Variants in PDE4B observed in about 807,000 individuals in gnomAD.
PDE4B encodes the protein phosphodiesterase 4B.
A neutral mutation model predicts 82.2 loss-of-function variants in PDE4B; 20 were observed. The observed-to-expected ratio is 0.24, with a 90% CI of 0.17 to 0.35. PDE4B has a LOEUF of 0.35. Ranked by LOEUF, PDE4B falls within the 10% of genes least tolerant of loss-of-function variation. The pLI is 1.00. For missense variants in PDE4B, 655 were observed against 907.2 expected (o/e 0.72, Z 3.57); for synonymous variants, 320 against 318.9 (o/e 1.00, Z -0.04).
In PDE4B at chr1:66,159,703, C is replaced by A. The variant is rs533753846; in HGVS notation, c.282-87757C>A. On this transcript the variant is annotated intron_variant, in intron 3 of 16. Coordinates refer to ENST00000341517, the MANE Select transcript of PDE4B (RefSeq NM_002600.4). ...AAATCCTCGCATACTGGGGTAGTGT[C>A]TTTTATTCCTGTAGAAATAACGTAA... Among the ~76,000 whole-genome samples the A allele has an allele frequency of 3.5e-4, 53 of 152,200 alleles. 1 individual carries two copies. Among genetic ancestry groups the A allele is most frequent in the African/African-American group, 1.1e-3 (46 of 41,528 alleles).
At chr1:65,950,259 A>G (rs1648924319) in intron 3 of PDE4B, among the ~76,000 whole-genome samples, 1 of 152,038 alleles carries the variant, frequency 6.6e-6, no homozygotes. Flanking sequence ...TTCCACCTGT[A>G]TCCCATCACA....
intron 3 of PDE4B, among the ~76,000 whole-genome samples, chr1:66,130,345 T>A (rs369086267): frequency 1.5e-4 from 23 of 152,364 alleles, no homozygotes; most frequent in Middle Eastern, 3.4e-3. Flanking sequence ...TCATTTATTC[T>A]TTCATTCATT....
Position 66,372,588 on chromosome 1 carries a change from G to C in PDE4B, c.2121G>C (p.Thr707=). 6.2e-7 allele frequency: 1 copy of C among 1,614,066 alleles called. No homozygotes were observed. The highest frequency in any genetic ancestry group is 1.1e-5 in the South Asian group (1 of 91,086). ...EGHSYFSSTK[T]LCVIDPENRD... ...ACAGCTATTTCAGCAGCACAAAGAC[G>C]CTTTGTGTGATTGATCCAGAAAACA... The change falls in exon 17 of 17, where the codon ACG becomes ACC. Residue 707 remains threonine, a synonymous_variant. Coordinates refer to ENST00000341517, the MANE Select transcript of PDE4B (RefSeq NM_002600.4).
intron 4 of PDE4B, among the ~76,000 whole-genome samples, chr1:66,253,763 T>C: frequency 6.6e-6 from 1 of 152,254 alleles, no homozygotes; most frequent in East Asian, 1.9e-4. Flanking sequence ...TCTGTTACTT[T>C]CTATAAATTA....
chr1:66,192,165 G>A (rs1279676327), intron 3 of PDE4B, among the ~76,000 whole-genome samples: 1 of 152,064 alleles, frequency 6.6e-6, no homozygotes, highest in South Asian at 2.1e-4. Context: ...CTAGGGCCTT[G>A]TGTCCAAAAC....
intron 3 of PDE4B, among the ~76,000 whole-genome samples, chr1:66,155,548 T>C (rs1646485792): frequency 1.3e-5 from 2 of 152,076 alleles, no homozygotes; most frequent in Admixed American, 1.3e-4. Context: ...AATCTAGAGC[T>C]GATTTTATAT....
At chr1:65,962,556 C>T (rs567743830) in intron 3 of PDE4B, among the ~76,000 whole-genome samples, 1 of 152,180 alleles carries the variant, frequency 6.6e-6, no homozygotes, top group South Asian at 2.1e-4. Flanking sequence ...CCATGAAGGG[C>T]CCTGGGATAG....
intron 3 of PDE4B, among the ~76,000 whole-genome samples, chr1:66,080,966 A>G (rs1023065581): frequency 4.6e-5 from 7 of 152,060 alleles, no homozygotes; most frequent in African/African-American, 1.7e-4. Context: ...ATGTGTATCC[A>G]ATATTTAGCT....
intron 3 of PDE4B, among the ~76,000 whole-genome samples, chr1:66,128,538 A>G (rs1645869054): frequency 6.6e-6 from 1 of 152,170 alleles, no homozygotes. Flanking sequence ...TCTAATGATG[A>G]TATTTGTCAC....
chr1:66,057,921 G>A (rs1302017462), intron 3 of PDE4B, among the ~76,000 whole-genome samples: 2 of 151,980 alleles, frequency 1.3e-5, no homozygotes, highest in Non-Finnish European at 2.9e-5. Context: ...CCTTCCCAAC[G>A]GTCCCCCAAA....
rs1653428806 is a variant in PDE4B at position 66,247,665 on chromosome 1, GCT to G, written c.476+14_476+15del. ...TCTTCCAAGCGAGCAGTAAGTACAAGCTCTGTCTGGCTTCCAGTTTCACATTT... is the reference window on the plus strand; with the variant it reads ...TCTTCCAAGCGAGCAGTAAGTACAAGCTGTCTGGCTTCCAGTTTCACATTT... On this transcript the variant is annotated intron_variant, in intron 4 of 16. Coordinates refer to ENST00000341517, the MANE Select transcript of PDE4B (RefSeq NM_002600.4). 6.5e-7 allele frequency: 1 copy of G among 1,537,662 alleles called. No homozygotes were observed. Among genetic ancestry groups the G allele is most frequent in the East Asian group, 2.3e-5 (1 of 43,220 alleles).
In PDE4B at chr1:65,960,163, C is replaced by T. The variant is rs138285621; in HGVS notation, c.281+41328C>T. On this transcript the variant is annotated intron_variant, in intron 3 of 16. Coordinates refer to ENST00000341517, the MANE Select transcript of PDE4B (RefSeq NM_002600.4). The stretch of plus-strand genomic sequence containing the variant: ...AATCTTTTTCTCAACAGGGGAACTG[C>T]GGGGGAGATTCCAGAAGTTCCTTTT... Among the ~76,000 whole-genome samples, 6 of 152,214 alleles carry T rather than the reference C, an allele frequency of 3.9e-5. No individual in the cohort carries two copies. In the East Asian group the frequency reaches 9.6e-4, roughly 24 times the overall value.
chr1:66,246,723 A>G (rs1483339393), intron 3 of PDE4B, among the ~76,000 whole-genome samples: 2 of 152,156 alleles, frequency 1.3e-5, no homozygotes, highest in Non-Finnish European at 2.9e-5. Context: ...GCTTGAGGGC[A>G]CCTTTCTAGA....
At chr1:66,100,318 G>T (rs538896947) in intron 3 of PDE4B, among the ~76,000 whole-genome samples, 2 of 152,196 alleles carry the variant, frequency 1.3e-5, no homozygotes, top group Admixed American at 6.6e-5. Flanking sequence ...CTCCTAAAGT[G>T]CTGGGATTAC....
chr1:66,075,619 C>T (rs1656387765), intron 3 of PDE4B, among the ~76,000 whole-genome samples: 1 of 152,116 alleles, frequency 6.6e-6, no homozygotes, highest in South Asian at 2.1e-4. Flanking sequence ...AAGATCTTAT[C>T]TAGGAGGGGC....
intron 3 of PDE4B, among the ~76,000 whole-genome samples, chr1:66,133,211 G>A (rs1645987789): frequency 6.6e-6 from 1 of 152,118 alleles, no homozygotes; most frequent in African/African-American, 2.4e-5. Flanking sequence ...TTTGTACAGT[G>A]CTATTCACAT....
At chr1:66,002,394 G>A (rs1411845286) in intron 3 of PDE4B, among the ~76,000 whole-genome samples, 4 of 151,842 alleles carry the variant, frequency 2.6e-5, no homozygotes, top group Admixed American at 6.6e-5. Flanking sequence ...TTGTAGCACC[G>A]GTTTAAAAAA....
chr1:66,241,062 A>C (rs1367095964), intron 3 of PDE4B, among the ~76,000 whole-genome samples: 1 of 152,252 alleles, frequency 6.6e-6, no homozygotes, highest in Middle Eastern at 3.2e-3. Flanking sequence ...AAGGCCCTGG[A>C]AGAAGAGAAA....
chr1:65,869,830 T>G (rs951163741), intron 1 of PDE4B, among the ~76,000 whole-genome samples: 3 of 152,054 alleles, frequency 2.0e-5, no homozygotes, highest in African/African-American at 7.2e-5. Context: ...CTTTTGTATC[T>G]TTTAGTAGGA....
Sources: gnomAD v4.1 joint callset for allele counts (sites outside exome capture counted in the v4.1 genomes callset) on GRCh38, gnomAD v4.1.1 for gene constraint, MANE v1.5 for transcripts, NCBI Gene and HGNC (gene_info 2026-07-23, HGNC 2026-07-21) for gene names.